SPPL2B: variants seen among roughly 807,000 people sequenced by gnomAD.
The protein encoded by SPPL2B is signal peptide peptidase like 2B.
SPPL2B carries 39 observed loss-of-function variants against 59.7 expected under a neutral mutation model. That is an observed-to-expected ratio of 0.65 (90% CI 0.51 to 0.85). The LOEUF (loss-of-function observed/expected upper bound fraction) is 0.85, where lower values mean the gene tolerates loss of function less well. Among genes scored for constraint, SPPL2B ranks in the 40% least tolerant of loss-of-function variants. SPPL2B has a pLI of 0.00. For missense variants in SPPL2B, 865 were observed against 849.0 expected (o/e 1.02, Z -0.23); for synonymous variants, 419 against 370.8 (o/e 1.13, Z -1.49).
At chr19:2,350,653 G>C (rs1212444609) in intron 13 of SPPL2B, among the ~76,000 whole-genome samples, 4 of 152,276 alleles carry the variant, frequency 2.6e-5, no homozygotes, top group African/African-American at 4.8e-5. Flanking sequence ...AACACATGCA[G>C]ATTTTTTGGG....
intron 13 of SPPL2B, among the ~76,000 whole-genome samples, chr19:2,349,049 T>C (rs1599250411): frequency 1.4e-5 from 2 of 148,082 alleles, no homozygotes; most frequent in East Asian, 4.0e-4. Flanking sequence ...ACTCACGCGC[T>C]CTCATTCGCT....
intron 2 of SPPL2B, chr19:2,337,080 T>A (rs1247532828): frequency 4.8e-6 from 1 of 207,118 alleles, no homozygotes; most frequent in African/African-American, 2.3e-5. Context: ...GGGGCTTTGT[T>A]CTCTGCACAC....
In SPPL2B at chr19:2,351,565, G is replaced by C; in HGVS notation, c.1486G>C (p.Gly496Arg). Residue 496 changes from glycine (G) to arginine (R), a missense_variant, in exon 14 of 15, where the codon GGC becomes CGC. Coordinates refer to ENST00000613503, the MANE Select transcript of SPPL2B (RefSeq NM_152988.3). ...CAVALWRREL[G>R]VFWTGSGFAK... ...TGTGGCGCTCTGGCGCCGGGAGCTGGGCGTGTTCTGGACGGGCAGCGGCTT... is the reference window on the plus strand; with the variant it reads ...TGTGGCGCTCTGGCGCCGGGAGCTGCGCGTGTTCTGGACGGGCAGCGGCTT... 6.2e-7 allele frequency: 1 copy of C among 1,611,282 alleles called. No individual in the cohort carries two copies. The highest frequency in any genetic ancestry group is 8.5e-7 in the Non-Finnish European group (1 of 1,179,210).
chr19:2,337,838 G>C, intron 3 of SPPL2B: 1 of 539,556 alleles, frequency 1.9e-6, no homozygotes, highest in Non-Finnish European at 3.2e-6. Context: ...TTCCTGAGCT[G>C]CTGGCTGGGG....
intron 8 of SPPL2B, 166 bp downstream of exon 8, chr19:2,341,180 G>C: frequency 1.4e-6 from 1 of 699,564 alleles, no homozygotes; most frequent in Middle Eastern, 2.3e-4. Context: ...ACAGGGCTGC[G>C]AGGGCGTTTC....
chr19:2,352,074 C>A (rs939283535), intron 14 of SPPL2B, among the ~76,000 whole-genome samples: 5 of 152,150 alleles, frequency 3.3e-5, no homozygotes, highest in Non-Finnish European at 7.4e-5. Flanking sequence ...GTCCCCTGTC[C>A]CCCTTGGCAA....
At chr19:2,335,497 ACTGCATC>A (rs1968536844) in intron 2 of SPPL2B, among the ~76,000 whole-genome samples, 3 of 133,488 alleles carry the variant, frequency 2.2e-5, no homozygotes, top group African/African-American at 5.8e-5. Flanking sequence ...CTCCTTTCCC[ACTGCATC>A]CCTCAGGCCC....
Position 2,334,695 on chromosome 19 carries a change from C to T in SPPL2B, c.160C>T (p.His54Tyr). 6.2e-7 allele frequency: 1 copy of T among 1,611,298 alleles called. No individual in the cohort carries two copies. Among genetic ancestry groups the T allele is most frequent in the Non-Finnish European group, 8.5e-7 (1 of 1,178,576 alleles). Residue 54 changes from histidine to tyrosine, a missense_variant, in exon 2 of 15, where the codon CAT (histidine) becomes TAT (tyrosine). Coordinates refer to ENST00000613503, the MANE Select transcript of SPPL2B (RefSeq NM_152988.3). ...YCILYNPQWA[H>Y]LPHDLSKASF... The stretch of plus-strand genomic sequence containing the variant: ...CATCCTCTACAACCCGCAGTGGGCC[C>T]ATCTTCCGCACGACCTCAGCAAGGC...
At chr19:2,348,976 T>TTC (rs771026213) in intron 13 of SPPL2B, among the ~76,000 whole-genome samples, 43 of 48,482 alleles carry the variant, frequency 8.9e-4, no homozygotes, top group Middle Eastern at 0.024. Flanking sequence ...CTTGATTCCG[T>TTC]TCTCTCTCCA....
At position 2,332,136 on chromosome 19, in the gene SPPL2B, G is replaced by A. The variant is rs1968322412; in HGVS notation, c.67-2466G>A. 6.6e-6 allele frequency among the ~76,000 whole-genome samples: 1 copy of A among 152,256 alleles called. No individual in the cohort carries two copies. The highest frequency in any genetic ancestry group is 6.5e-5 in the Admixed American group (1 of 15,286). Reference sequence around the variant, plus strand: ...GGAGGTCACATGGGAGGTGCTTGGAGTGGGGCTGGGGCAGCTGTGGGAAGG... The same window carrying A: ...GGAGGTCACATGGGAGGTGCTTGGAATGGGGCTGGGGCAGCTGTGGGAAGG... On this transcript the variant is annotated intron_variant, in intron 1 of 14. Coordinates refer to ENST00000613503, the MANE Select transcript of SPPL2B (RefSeq NM_152988.3). The surrounding 1 kb of genome is among the most constrained non-coding windows in gnomAD (Gnocchi z 4.6).
intron 13 of SPPL2B, among the ~76,000 whole-genome samples, chr19:2,345,845 C>G (rs550886844): frequency 2.0e-5 from 3 of 150,648 alleles, no homozygotes; most frequent in Admixed American, 1.3e-4. Context: ...CCCTGTCTTT[C>G]TCATTCTCCC....
At position 2,328,778 on chromosome 19, in the gene SPPL2B, G is replaced by A; in HGVS notation, c.66+3G>A. The stretch of plus-strand genomic sequence containing the variant: ...CCTTTCTGCTCCTCGCGGCCCAGGT[G>A]AGCGCGGCACCGGTCCCGACGGCAC... On this transcript the variant is annotated splice_donor_region_variant and intron_variant, in intron 1 of 14. Transcript: ENST00000613503. The A allele has an allele frequency of 1.9e-5, 27 of 1,442,526 alleles. No individual in the cohort carries two copies. The highest frequency in any genetic ancestry group is 2.4e-5 in the Non-Finnish European group (26 of 1,105,800). The allele number at this position is 1,442,526 out of a possible 1,614,324, so 89.4% of individuals were successfully genotyped here.
Position 2,337,578 on chromosome 19 carries a change from C to G in SPPL2B, c.322C>G (p.Gln108Glu). The change falls in exon 3 of 15, where the codon CAG (glutamine) becomes GAG (glutamate). Residue 108 changes from glutamine (Q) to glutamate (E), a missense_variant. Gln to Glu is a conservative substitution (Grantham distance 29). Transcript: ENST00000613503. ...CTTCTATGAGAAAGTGAGGCTGGCC[C>G]AGGGCAGCGGAGCACGCGGGCTGCT... Reference protein sequence around the residue: ...CTFYEKVRLAQGSGARGLLIV... With the variant: ...CTFYEKVRLAEGSGARGLLIV... 3 of 1,608,076 alleles carry G rather than the reference C, an allele frequency of 1.9e-6. No homozygotes were observed. Among genetic ancestry groups the G allele is most frequent in the Non-Finnish European group, 2.5e-6 (3 of 1,177,610 alleles).
At chr19:2,346,520 A>G (rs1969380412) in intron 13 of SPPL2B, among the ~76,000 whole-genome samples, 1 of 152,126 alleles carries the variant, frequency 6.6e-6, no homozygotes. Flanking sequence ...TGCAAAAATT[A>G]GCCGGGCATG....
chr19:2,337,405 A>G (rs758599117), intron 2 of SPPL2B, 38 bp from the exon 3 acceptor site: 3 of 1,536,528 alleles, frequency 2.0e-6, no homozygotes, highest in Non-Finnish European at 2.6e-6. Context: ...CTGGTGACTC[A>G]CATCACGTGA....
intron 1 of SPPL2B, among the ~76,000 whole-genome samples, chr19:2,329,604 C>G (rs3795039): frequency 0.49 from 73,935 of 152,012 alleles, 20,056 homozygotes; most frequent in Non-Finnish European, 0.61. Flanking sequence ...CAGCCCTTAA[C>G]CTTCACTACC....
At chr19:2,348,705 T>C (rs1969659640) in intron 13 of SPPL2B, among the ~76,000 whole-genome samples, 1 of 78,010 alleles carries the variant, frequency 1.3e-5, no homozygotes, top group African/African-American at 6.8e-5. Flanking sequence ...TTCCGTTCTC[T>C]CTCCACACAC....
At chr19:2,339,536 C>G (rs959928344) in intron 5 of SPPL2B, 3 of 584,430 alleles carry the variant, frequency 5.1e-6, no homozygotes, top group East Asian at 2.9e-5. Context: ...GGCCCCATGT[C>G]CAGGGCTCTT....
chr19:2,345,639 C>T (rs887686466), intron 13 of SPPL2B, among the ~76,000 whole-genome samples: 5 of 151,666 alleles, frequency 3.3e-5, no homozygotes, highest in Non-Finnish European at 5.9e-5. Context: ...GGGCCCGTGC[C>T]TGCATCCCCC....
Sources: allele counts gnomAD v4.1 joint callset (sites outside exome capture counted in the v4.1 genomes callset), GRCh38; gene constraint gnomAD v4.1.1; non-coding constraint Gnocchi (gnomAD v3.1); transcripts MANE v1.5; gene names NCBI Gene and HGNC (gene_info 2026-07-23, HGNC 2026-07-21).